Variants in RTL4 observed in about 807,000 individuals in gnomAD.
RTL4 encodes retrotransposon Gag like 4, also known as retrotransposon Gag-like protein 4.
A neutral mutation model predicts 5.3 loss-of-function variants in RTL4; 4 were observed. That is an observed-to-expected ratio of 0.75 (90% confidence interval 0.37 to 1.72). The LOEUF is 1.72. Among genes scored for constraint, RTL4 ranks in the 40% most tolerant of loss-of-function variants. RTL4 has a pLI of 0.04. For synonymous variants in RTL4, 98 were observed against 87.3 expected, an observed-to-expected ratio of 1.12 and a Z score of -0.68; for missense variants, 260 against 227.1, an observed-to-expected ratio of 1.14 and a Z score of -0.93.
the RTL4 span, among the ~76,000 whole-genome samples, chrX:112,248,587 A>T: frequency 8.9e-6 from 1 of 112,154 alleles, no homozygotes; most frequent in Non-Finnish European, 1.9e-5. Flanking sequence ...TATCATTCTT[A>T]TAGCTTCTGG....
chrX:112,273,333 A>G, the RTL4 span, among the ~76,000 whole-genome samples: 3 of 107,937 alleles, frequency 2.8e-5, no homozygotes, highest in African/African-American at 1.0e-4. Flanking sequence ...GGCTCACTGC[A>G]AGCTCCGCCT....
chrX:112,296,720 C>T, the RTL4 span, among the ~76,000 whole-genome samples: 5 of 107,971 alleles, frequency 4.6e-5, no homozygotes, highest in South Asian at 2.1e-3. Context: ...CGCCTTTCTC[C>T]TGCCTCAGCC....
the RTL4 span, among the ~76,000 whole-genome samples, chrX:112,158,248 T>G: frequency 3.6e-5 from 4 of 111,942 alleles, 1 homozygote; most frequent in Middle Eastern, 0.014. Flanking sequence ...AACAGCCACT[T>G]TAATGAATAT....
the RTL4 span, among the ~76,000 whole-genome samples, chrX:112,220,569 T>C: frequency 6.2e-5 from 7 of 113,126 alleles, no homozygotes; most frequent in African/African-American, 2.2e-4. Context: ...TGCAGCAGGC[T>C]TGAATTTCTT....
the RTL4 span, among the ~76,000 whole-genome samples, chrX:112,373,252 T>C: frequency 9.0e-6 from 1 of 111,498 alleles, no homozygotes; most frequent in African/African-American, 3.3e-5. Flanking sequence ...CAATTTACAC[T>C]CCCACCAGTA....
chrX:112,388,433 G>A, the RTL4 span, among the ~76,000 whole-genome samples: 1 of 112,059 alleles, frequency 8.9e-6, no homozygotes, highest in African/African-American at 3.2e-5. Flanking sequence ...CTCTAGCTAA[G>A]ACGTTCAATT....
the RTL4 span, among the ~76,000 whole-genome samples, chrX:112,142,376 A>T: frequency 8.9e-6 from 1 of 112,430 alleles, no homozygotes; most frequent in African/African-American, 3.2e-5. Flanking sequence ...AAGAAGCCAC[A>T]AAATATAATC....
chrX:112,170,026 C>T, the RTL4 span, among the ~76,000 whole-genome samples: 2 of 112,148 alleles, frequency 1.8e-5, no homozygotes, highest in African/African-American at 6.5e-5. Context: ...ATCCTTTCCC[C>T]ATTGTTTGTT....
chrX:112,212,725 C>CA, the RTL4 span, among the ~76,000 whole-genome samples: 1 of 111,986 alleles, frequency 8.9e-6, no homozygotes, highest in South Asian at 3.7e-4. Flanking sequence ...GGGCCTGAAG[C>CA]AAAAAAAGCT....
At chrX:112,395,324 A>T in the RTL4 span, among the ~76,000 whole-genome samples, 1 of 111,800 alleles carries the variant, frequency 8.9e-6, no homozygotes, top group Non-Finnish European at 1.9e-5. Context: ...AAAAGTAACT[A>T]AAGGAGAGAA....
At chrX:112,139,286 C>G in the RTL4 span, among the ~76,000 whole-genome samples, 13 of 111,406 alleles carry the variant, frequency 1.2e-4, no homozygotes, top group African/African-American at 4.2e-4. Flanking sequence ...CCACTGTAAA[C>G]TTGTATTTTT....
chrX:112,388,008 G>A, the RTL4 span, among the ~76,000 whole-genome samples: 1 of 111,723 alleles, frequency 9.0e-6, no homozygotes, highest in African/African-American at 3.3e-5. Flanking sequence ...TATTGTTTGG[G>A]GCATTATGGC....
the RTL4 span, among the ~76,000 whole-genome samples, chrX:112,218,762 G>A: frequency 8.9e-6 from 1 of 111,849 alleles, no homozygotes; most frequent in Non-Finnish European, 1.9e-5. Flanking sequence ...TAGATATTCT[G>A]TCTGCAATTT....
chrX:112,322,110 A>G, the RTL4 span, among the ~76,000 whole-genome samples: 4 of 111,702 alleles, frequency 3.6e-5, no homozygotes, highest in Admixed American at 2.9e-4. Flanking sequence ...AGTTAAAATC[A>G]AAGTTTTAGT....
chrX:112,155,823 C>T, the RTL4 span, among the ~76,000 whole-genome samples: 2 of 110,970 alleles, frequency 1.8e-5, no homozygotes, highest in Non-Finnish European at 3.8e-5. Context: ...TTTTGGATAT[C>T]CTTACTTTAC....
the RTL4 span, among the ~76,000 whole-genome samples, chrX:112,316,124 A>C: frequency 9.0e-6 from 1 of 111,664 alleles, no homozygotes; most frequent in Non-Finnish European, 1.9e-5. Context: ...CAAATTTTTT[A>C]CTTTTGCCAG....
the RTL4 span, among the ~76,000 whole-genome samples, chrX:112,398,259 C>T: frequency 1.8e-5 from 2 of 110,808 alleles, no homozygotes; most frequent in Non-Finnish European, 3.8e-5. Flanking sequence ...TTTGCTTTTG[C>T]GATCTGAGAA....
At chrX:112,160,803 T>A in the RTL4 span, among the ~76,000 whole-genome samples, 4 of 109,991 alleles carry the variant, frequency 3.6e-5, no homozygotes, top group East Asian at 1.1e-3. Flanking sequence ...GTTTTGTATG[T>A]TGGGAGAGTG....
the RTL4 span, among the ~76,000 whole-genome samples, chrX:112,422,678 C>T: frequency 8.1e-5 from 9 of 111,121 alleles, no homozygotes; most frequent in Admixed American, 1.9e-4. Context: ...TACATCCAAG[C>T]CCTCAAAAGC....
Sources: gnomAD v4.1 joint callset for allele counts (sites outside exome capture counted in the v4.1 genomes callset) on GRCh38, gnomAD v4.1.1 for gene constraint, MANE v1.5 for transcripts, NCBI Gene and HGNC (gene_info 2026-07-23, HGNC 2026-07-21) for gene names.